DTNB: variants seen among roughly 807,000 people sequenced by gnomAD.
DTNB encodes the protein dystrobrevin beta.
In DTNB, 63 loss-of-function variants were observed where a neutral mutation model predicts 90.7. The observed-to-expected ratio is 0.69, with a 90% confidence interval of 0.57 to 0.86. The LOEUF (loss-of-function observed/expected upper bound fraction) is 0.86, where lower values mean the gene tolerates loss of function less well. Ranked by LOEUF, DTNB falls within the 40% of genes least tolerant of loss-of-function variation. The probability of loss-of-function intolerance (pLI) is 0.00; values close to 1 mark genes in which losing one functional copy is unlikely to be tolerated. For synonymous variants in DTNB, 277 were observed against 286.7 expected, an observed-to-expected ratio of 0.97 and a Z score of 0.34; for missense variants, 744 against 807.1, an observed-to-expected ratio of 0.92 and a Z score of 0.95.
At chr2:25,466,145 C>A (rs1009470453) in intron 10 of DTNB, among the ~76,000 whole-genome samples, 1 of 152,112 alleles carries the variant, frequency 6.6e-6, no homozygotes, top group African/African-American at 2.4e-5. Flanking sequence ...TCAGCCTGGC[C>A]AACATATAGT....
chr2:25,499,302 A>G (rs2069862134), intron 9 of DTNB, among the ~76,000 whole-genome samples: 2 of 152,302 alleles, frequency 1.3e-5, no homozygotes, highest in South Asian at 4.1e-4. Flanking sequence ...TACTAAGTGG[A>G]TTATGTGACC....
At chr2:25,395,607 C>T (rs1240007468) in intron 16 of DTNB, among the ~76,000 whole-genome samples, 3 of 150,810 alleles carry the variant, frequency 2.0e-5, no homozygotes, top group African/African-American at 7.3e-5. Flanking sequence ...TCTCTAACCA[C>T]ATCAGCATCA....
intron 12 of DTNB, among the ~76,000 whole-genome samples, chr2:25,448,552 C>T (rs891963113): frequency 2.0e-5 from 3 of 152,112 alleles, no homozygotes; most frequent in African/African-American, 7.2e-5. Context: ...AGATATAATA[C>T]TTAGATCTTA....
intron 1 of DTNB, among the ~76,000 whole-genome samples, chr2:25,654,909 T>G (rs1166890647): frequency 1.3e-5 from 2 of 152,150 alleles, no homozygotes; most frequent in Non-Finnish European, 2.9e-5. Context: ...CCTAGAACAG[T>G]TCCCAGCACA....
At chr2:25,509,746 C>CTTTTTTTTTTTTTTTTTT (rs36101268) in intron 9 of DTNB, among the ~76,000 whole-genome samples, 2 of 83,736 alleles carry the variant, frequency 2.4e-5, no homozygotes, top group Non-Finnish European at 4.6e-5. Flanking sequence ...CTTTTAGATT[C>CTTTTTTTTTTTTTTTTTT]TTTTTTTTTT....
intron 3 of DTNB, among the ~76,000 whole-genome samples, chr2:25,633,228 G>A (rs2076156006): frequency 6.6e-6 from 1 of 150,750 alleles, no homozygotes; most frequent in African/African-American, 2.4e-5. Flanking sequence ...AAGCTGGACT[G>A]TACTGCTGCC....
Position 25,432,933 on chromosome 2 carries a change from C to A in DTNB, c.1410G>T (p.Glu470Asp). The change falls in exon 14 of 21, where the codon GAG becomes GAT. Residue 470 changes from glutamate (E) to aspartate (D), a missense_variant. By Grantham distance (45) the Glu-to-Asp change is conservative. Coordinates refer to ENST00000406818, the MANE Select transcript of DTNB (RefSeq NM_021907.5). ...GCAGCGTGGGGTTCTGCTGTGCCTT[C>A]TCAGGGGTGGGCTGGGAGGCCTGCT... Reference protein sequence around the residue: ...EHEQASQPTPEKAQQNPTLLA... With the variant: ...EHEQASQPTPDKAQQNPTLLA... 1 of 1,611,178 alleles carries A rather than the reference C, an allele frequency of 6.2e-7. No individual in the cohort carries two copies.
At chr2:25,553,430 ACAGTAATAAAAATAC>A (rs2056720360) in intron 8 of DTNB, among the ~76,000 whole-genome samples, 1 of 152,108 alleles carries the variant, frequency 6.6e-6, no homozygotes, top group Non-Finnish European at 1.5e-5. Flanking sequence ...GTTTTAGCTC[ACAGTAATAAAAATAC>A]GGCTAGGTAG....
chr2:25,639,350 C>T, intron 2 of DTNB: 1 of 322,714 alleles, frequency 3.1e-6, no homozygotes, highest in Non-Finnish European at 5.8e-6. Context: ...GGGAGGAACA[C>T]TTATGAGGTG....
At chr2:25,483,232 A>C (rs1464244505) in intron 9 of DTNB, among the ~76,000 whole-genome samples, 1 of 152,206 alleles carries the variant, frequency 6.6e-6, no homozygotes, top group Non-Finnish European at 1.5e-5. Flanking sequence ...TTGTAGTTTT[A>C]GTACATAAGA....
chr2:25,444,237 A>G (rs74910635), intron 12 of DTNB, among the ~76,000 whole-genome samples: 1 of 152,288 alleles, frequency 6.6e-6, no homozygotes, highest in Middle Eastern at 3.4e-3. Context: ...TTTTTAAAAA[A>G]GGAATTTAGG....
rs376996431 is a variant in DTNB, at chr2:25,459,300, G to T, written c.1080-3806C>A. Among the ~76,000 whole-genome samples the T allele has an allele frequency of 1.6e-4, 25 of 151,588 alleles. No individual in the cohort carries two copies. In the South Asian group the frequency reaches 5.0e-3, roughly 31 times the overall value. ...CCCACAGGTCCCAGAGGCTCAGTTC[G>T]TTTTCAGTCATTTTCCTCTCGGTGC... is the stretch of plus-strand genomic sequence containing the variant. On this transcript the variant is annotated intron_variant, in intron 10 of 20. Coordinates refer to ENST00000406818, the MANE Select transcript of DTNB (RefSeq NM_021907.5).
At chr2:25,572,427 A>G (rs886741979) in intron 8 of DTNB, among the ~76,000 whole-genome samples, 4 of 151,022 alleles carry the variant, frequency 2.6e-5, no homozygotes, top group African/African-American at 9.7e-5. Context: ...AGATCGCGCC[A>G]CTGCACTCCA....
At chr2:25,395,868 C>T (rs181809434) in intron 16 of DTNB, among the ~76,000 whole-genome samples, 1 of 152,178 alleles carries the variant, frequency 6.6e-6, no homozygotes, top group African/African-American at 2.4e-5. Flanking sequence ...TTTTCTCTTA[C>T]ATAATATGGA....
intron 2 of DTNB, among the ~76,000 whole-genome samples, chr2:25,652,385 T>C (rs978624698): frequency 2.0e-5 from 3 of 152,196 alleles, no homozygotes; most frequent in Non-Finnish European, 4.4e-5. Flanking sequence ...TATTTATTTA[T>C]GGCCTTGTCT....
chr2:25,567,694 T>C (rs2059242054), intron 8 of DTNB, among the ~76,000 whole-genome samples: 1 of 152,160 alleles, frequency 6.6e-6, no homozygotes, highest in Admixed American at 6.5e-5. Context: ...ACTGTATCTG[T>C]GGTACAGGCG....
chr2:25,505,295 A>T (rs1031578555), intron 9 of DTNB, among the ~76,000 whole-genome samples: 1 of 152,116 alleles, frequency 6.6e-6, no homozygotes, highest in South Asian at 2.1e-4. Flanking sequence ...TTTCTCTCAC[A>T]TGTCCATACA....
intron 8 of DTNB, among the ~76,000 whole-genome samples, chr2:25,555,947 G>T (rs1463945101): frequency 6.6e-6 from 1 of 152,200 alleles, no homozygotes; most frequent in African/African-American, 2.4e-5. Flanking sequence ...TTGAACCCAG[G>T]AGGCGGAGGT....
At chr2:25,402,433 T>A (rs569707254) in intron 16 of DTNB, among the ~76,000 whole-genome samples, 1 of 152,068 alleles carries the variant, frequency 6.6e-6, no homozygotes. Context: ...TGCTGCGGAG[T>A]CTTTTATTTA....
Sources: gnomAD v4.1 joint callset for allele counts (sites outside exome capture counted in the v4.1 genomes callset) on GRCh38, gnomAD v4.1.1 for gene constraint, MANE v1.5 for transcripts, NCBI Gene and HGNC (gene_info 2026-07-23, HGNC 2026-07-21) for gene names.